CTNNA1: variants seen among roughly 807,000 people sequenced by gnomAD.
The protein encoded by CTNNA1 is catenin alpha 1.
In CTNNA1, 37 loss-of-function variants were observed where a neutral mutation model predicts 98.4. That is an observed-to-expected ratio of 0.38 (90% CI 0.29 to 0.49). The LOEUF (loss-of-function observed/expected upper bound fraction) is 0.49. Among genes scored for constraint, CTNNA1 ranks in the 20% least tolerant of loss-of-function variants. The probability of loss-of-function intolerance (pLI) is 0.95; values close to 1 mark genes in which losing one functional copy is unlikely to be tolerated. For synonymous variants in CTNNA1, 404 were observed against 413.2 expected, an observed-to-expected ratio of 0.98 and a Z score of 0.27; for missense variants, 761 against 1,147.2, an observed-to-expected ratio of 0.66 and a Z score of 4.86.
intron 10 of CTNNA1, among the ~76,000 whole-genome samples, chr5:138,914,285 T>C (rs1213963796): frequency 6.6e-6 from 1 of 152,228 alleles, no homozygotes; most frequent in Non-Finnish European, 1.5e-5. Flanking sequence ...ATTCTTACAG[T>C]GTATAGCTCC....
At chr5:138,906,170 A>G (rs1759215041) in intron 10 of CTNNA1, among the ~76,000 whole-genome samples, 1 of 152,156 alleles carries the variant, frequency 6.6e-6, no homozygotes, top group Admixed American at 6.5e-5. Flanking sequence ...TAATTTGCCA[A>G]TGAGAGTTGC....
At chr5:138,913,378 G>C (rs1761066301) in intron 10 of CTNNA1, among the ~76,000 whole-genome samples, 1 of 152,094 alleles carries the variant, frequency 6.6e-6, no homozygotes, top group African/African-American at 2.4e-5. Flanking sequence ...GAGGTTGGGA[G>C]TTCCAGACCA....
intron 3 of CTNNA1, among the ~76,000 whole-genome samples, chr5:138,787,956 C>T (rs1755894304): frequency 6.6e-6 from 1 of 152,210 alleles, no homozygotes; most frequent in Non-Finnish European, 1.5e-5. Context: ...TCACCAATTG[C>T]ATGGCTTCCA....
At chr5:138,762,043 A>G (rs940027588) in intron 1 of CTNNA1, 6 of 152,194 alleles carry the variant, frequency 3.9e-5, no homozygotes, top group Admixed American at 6.5e-5. Context: ...GGCGTGACCC[A>G]CTGCGCCTGG....
intron 5 of CTNNA1, among the ~76,000 whole-genome samples, chr5:138,813,178 A>G (rs1405952633): frequency 6.6e-6 from 1 of 152,192 alleles, no homozygotes; most frequent in Non-Finnish European, 1.5e-5. Flanking sequence ...AGTATCATCA[A>G]GGATCCAGGT....
At chr5:138,893,927 A>AT (rs765571301) in intron 9 of CTNNA1, among the ~76,000 whole-genome samples, 72 of 129,004 alleles carry the variant, frequency 5.6e-4, no homozygotes, top group Admixed American at 1.7e-3. Context: ...TGGCCTATTT[A>AT]TTTTTTTTGA....
chr5:138,771,917 C>T (rs749698715), intron 1 of CTNNA1, among the ~76,000 whole-genome samples: 1 of 151,528 alleles, frequency 6.6e-6, no homozygotes, highest in Non-Finnish European at 1.5e-5. Flanking sequence ...ATTAAGTTAA[C>T]TTTGCTGTTA....
chr5:138,928,835 T>C (rs1764682389), intron 13 of CTNNA1, among the ~76,000 whole-genome samples: 1 of 152,100 alleles, frequency 6.6e-6, no homozygotes, highest in Non-Finnish European at 1.5e-5. Context: ...CTTGGGAGGC[T>C]GAGGCAGGTG....
intron 7 of CTNNA1, among the ~76,000 whole-genome samples, chr5:138,844,428 TGGCA>T (rs1340063477): frequency 6.6e-6 from 1 of 152,236 alleles, no homozygotes; most frequent in Admixed American, 6.5e-5. Context: ...ATTTAATAAA[TGGCA>T]GTAATCAGGT....
chr5:138,755,845 C>CTTTTTTTTTTTTTT (rs60260246), intron 1 of CTNNA1, among the ~76,000 whole-genome samples: 3 of 58,462 alleles, frequency 5.1e-5, no homozygotes, highest in Non-Finnish European at 9.4e-5. Flanking sequence ...GGATTTCCTT[C>CTTTTTTTTTTTTTT]TTTTTTTTTT....
intron 10 of CTNNA1, among the ~76,000 whole-genome samples, chr5:138,906,582 C>T (rs1382771299): frequency 6.6e-6 from 1 of 152,100 alleles, no homozygotes; most frequent in Non-Finnish European, 1.5e-5. Flanking sequence ...TCTAGTAGAT[C>T]CTAATGAAAA....
At chr5:138,897,428 C>T (rs568571018) in intron 9 of CTNNA1, among the ~76,000 whole-genome samples, 49 of 151,118 alleles carry the variant, frequency 3.2e-4, no homozygotes, top group African/African-American at 1.0e-3. Flanking sequence ...ACTTTTATTC[C>T]GTAGTATGCT....
chr5:138,873,416 G>A lies in CTNNA1; in HGVS notation c.1063-12796G>A. 6.2e-7 allele frequency: 1 copy of A among 1,613,978 alleles called. No homozygotes were observed. Among genetic ancestry groups the A allele is most frequent in the Non-Finnish European group, 8.5e-7 (1 of 1,179,892 alleles). ...GTAACTTGATGAGCTTATTCTTTTTGTATATTCAGTGGTTGGATCTCTATA... is the reference window on the plus strand; with the variant it reads ...GTAACTTGATGAGCTTATTCTTTTTATATATTCAGTGGTTGGATCTCTATA... On this transcript the variant is annotated intron_variant, in intron 7 of 17. Transcript: ENST00000302763. This position sits in a 1 kb window ranked among gnomAD's most constrained non-coding sequence, Gnocchi z 6.1.
intron 1 of CTNNA1, among the ~76,000 whole-genome samples, chr5:138,779,174 T>C (rs1182419697): frequency 6.6e-6 from 1 of 151,606 alleles, no homozygotes; most frequent in Non-Finnish European, 1.5e-5. Context: ...CCACCATGCC[T>C]GGCCAGTTTT....
intron 1 of CTNNA1, among the ~76,000 whole-genome samples, chr5:138,776,228 T>A (rs1754151482): frequency 6.6e-6 from 1 of 151,604 alleles, no homozygotes; most frequent in Admixed American, 6.6e-5. Flanking sequence ...TACTTGAGAT[T>A]AGGGAGTGGT....
chr5:138,836,847 TTATCTC>T (rs1179665088), intron 7 of CTNNA1, among the ~76,000 whole-genome samples: 1 of 152,240 alleles, frequency 6.6e-6, no homozygotes, highest in East Asian at 1.9e-4. Flanking sequence ...TTATTAGTAA[TTATCTC>T]TAGCTGGTGG....
chr5:138,874,149 A>G lies in CTNNA1; in HGVS notation c.1063-12063A>G. 2 of 1,613,790 alleles carry G rather than the reference A, an allele frequency of 1.2e-6. No homozygotes were observed. Among genetic ancestry groups the G allele is most frequent in the Non-Finnish European group, 1.7e-6 (2 of 1,179,756 alleles). On this transcript the variant is annotated intron_variant, in intron 7 of 17. Transcript: ENST00000302763. This position sits in a 1 kb window ranked among gnomAD's most constrained non-coding sequence, Gnocchi z 4.1. Reference sequence around the variant, plus strand: ...GACAGCTGATTAAAAGACAGGTCCAAATTTTGCAGGTTAATCAGTTGGGTA... The same window carrying G: ...GACAGCTGATTAAAAGACAGGTCCAGATTTTGCAGGTTAATCAGTTGGGTA...
chr5:138,832,051 A>C (rs778132649), intron 7 of CTNNA1, among the ~76,000 whole-genome samples: 3 of 152,226 alleles, frequency 2.0e-5, no homozygotes, highest in Non-Finnish European at 4.4e-5. Flanking sequence ...TTTGTTGAAA[A>C]AATTAAACCA....
chr5:138,933,060 GGAGATGGAGGTTGCAGTGAGCC>G lies in CTNNA1; in HGVS notation c.2433+356_2433+377del, dbSNP rs530772811. ...GAGACACAATAATTACTTGAGCCTG[GGAGATGGAGGTTGCAGTGAGCC>G]GAGATGGCACCACTGCACTCCCGTC... On this transcript the variant is annotated intron_variant, in intron 17 of 17. Transcript: ENST00000302763. 5,155 of 728,360 alleles carry G rather than the reference GGAGATGGAGGTTGCAGTGAGCC, an allele frequency of 7.1e-3. 29 individuals are homozygous for G. The highest frequency in any genetic ancestry group is 0.01 in the Non-Finnish European group (4,039 of 400,162). The allele number at this position is 728,360 out of a possible 1,614,324, so 45.1% of individuals were successfully genotyped here.
Sources: allele counts gnomAD v4.1 joint callset (sites outside exome capture counted in the v4.1 genomes callset), GRCh38; gene constraint gnomAD v4.1.1; non-coding constraint Gnocchi (gnomAD v3.1); transcripts MANE v1.5; gene names NCBI Gene and HGNC (gene_info 2026-07-23, HGNC 2026-07-21).